The following ERBB4 variants were observed in gnomAD, a reference collection of about 807,000 sequenced individuals.
ERBB4 encodes the protein erb-b2 receptor tyrosine kinase 4.
ERBB4 carries 42 observed loss-of-function variants against 158.0 expected under a neutral mutation model. The observed-to-expected ratio is 0.27, with a 90% CI of 0.21 to 0.34. The LOEUF is 0.34. Among genes scored for constraint, ERBB4 ranks in the 10% least tolerant of loss-of-function variants. The pLI is 1.00. For missense variants in ERBB4, 1,333 were observed against 1,624.1 expected (o/e 0.82, Z 3.08); for synonymous variants, 583 against 558.7 (o/e 1.04, Z -0.61).
intron 2 of ERBB4, among the ~76,000 whole-genome samples, chr2:212,085,449 A>AT (rs1224251623): frequency 6.6e-6 from 1 of 151,888 alleles, no homozygotes; most frequent in East Asian, 1.9e-4. Flanking sequence ...ATAGATGGCA[A>AT]TTAGGCACAT....
chr2:211,875,039 A>AAAAAAAAAAAAAAAAC (rs2078458514), intron 3 of ERBB4, among the ~76,000 whole-genome samples: 1 of 145,950 alleles, frequency 6.9e-6, no homozygotes, highest in Admixed American at 6.9e-5. Context: ...AAAAAAAAAA[A>AAAAAAAAAAAAAAAAC]AAAAAAAAAA....
chr2:212,134,329 T>C (rs879915910), intron 1 of ERBB4, among the ~76,000 whole-genome samples: 4 of 152,118 alleles, frequency 2.6e-5, no homozygotes, highest in Non-Finnish European at 4.4e-5. Context: ...CTCTTATTCA[T>C]TTGTACTGGT....
chr2:212,305,789 A>T (rs887335494), intron 1 of ERBB4, among the ~76,000 whole-genome samples: 2 of 151,444 alleles, frequency 1.3e-5, no homozygotes, highest in African/African-American at 2.4e-5. Context: ...ATTATAGATC[A>T]TGTTCCTAAT....
chr2:211,577,817 T>C (rs1218184828), intron 19 of ERBB4, among the ~76,000 whole-genome samples: 2 of 152,060 alleles, frequency 1.3e-5, no homozygotes, highest in Admixed American at 6.6e-5. Flanking sequence ...TATCTCAAAA[T>C]AATAAGAGAC....
At chr2:211,480,518 G>C (rs189573736) in intron 20 of ERBB4, among the ~76,000 whole-genome samples, 1 of 152,184 alleles carries the variant, frequency 6.6e-6, no homozygotes, top group Admixed American at 6.5e-5. Flanking sequence ...CTTCTTTCGT[G>C]ATTGTAAGTT....
Position 211,376,127 on chromosome 2 carries a change from A to G in ERBB4, c.*7488T>C, listed in dbSNP as rs551611005. On this transcript the variant is annotated 3_prime_UTR_variant, in exon 28 of 28. Coordinates refer to ENST00000342788, the MANE Select transcript of ERBB4 (RefSeq NM_005235.3). ...TCCTTCATCAATAACATGGAAAAAA[A>G]TCAAAATAACATTACACCACACACA... is the stretch of plus-strand genomic sequence containing the variant. 3 of 233,030 alleles carry G rather than the reference A, an allele frequency of 1.3e-5. No homozygotes were observed. The highest frequency in any genetic ancestry group is 2.5e-5 in the Non-Finnish European group (3 of 117,766). The allele number at this position is 233,030 out of a possible 1,614,324, so 14.4% of individuals were successfully genotyped here.
At chr2:212,446,328 A>G in intron 1 of ERBB4, among the ~76,000 whole-genome samples, 1 of 151,602 alleles carries the variant, frequency 6.6e-6, no homozygotes. Context: ...AGGCAGATCT[A>G]CCCTTAATCT....
intron 12 of ERBB4, among the ~76,000 whole-genome samples, chr2:211,697,712 A>G (rs2073077048): frequency 6.6e-6 from 1 of 152,198 alleles, no homozygotes; most frequent in Non-Finnish European, 1.5e-5. Flanking sequence ...GAAATTTAAA[A>G]CCATAGATGA....
At chr2:211,791,887 C>A (rs187959820) in intron 3 of ERBB4, among the ~76,000 whole-genome samples, 2 of 151,720 alleles carry the variant, frequency 1.3e-5, no homozygotes, top group South Asian at 4.1e-4. Context: ...AAAGATGTCA[C>A]GAATCTTTTT....
rs1025897570 is a variant in ERBB4 at position 211,510,190 on chromosome 2, G to T, written c.2487+51713C>A. 3.3e-5 allele frequency among the ~76,000 whole-genome samples: 5 copies of T among 152,018 alleles called. No individual in the cohort carries two copies. The South Asian group carries it at 6.2e-4, about 19-fold the overall frequency. ...AAAGTCATGGAATTAAACCTAAGTT[G>T]ACCATCAATGGGTGGTTGGATAAAG... On this transcript the variant is annotated intron_variant, in intron 20 of 27. Transcript: ENST00000342788.
chr2:211,423,135 G>T (rs914205316), intron 23 of ERBB4, among the ~76,000 whole-genome samples: 2 of 151,916 alleles, frequency 1.3e-5, no homozygotes, highest in African/African-American at 4.8e-5. Flanking sequence ...GAGAAAACAG[G>T]TGTTTCTGAA....
chr2:212,159,615 A>T (rs1439131844), intron 1 of ERBB4, among the ~76,000 whole-genome samples: 1 of 151,970 alleles, frequency 6.6e-6, no homozygotes, highest in East Asian at 1.9e-4. Context: ...GGCTAGTTGC[A>T]ATTACATAAA....
At chr2:211,673,948 A>G (rs1048713490) in intron 13 of ERBB4, among the ~76,000 whole-genome samples, 1 of 152,112 alleles carries the variant, frequency 6.6e-6, no homozygotes. Context: ...ACATCCTAAA[A>G]CTTTCTAATT....
intron 2 of ERBB4, among the ~76,000 whole-genome samples, chr2:212,003,607 G>A (rs924433444): frequency 2.0e-5 from 3 of 151,978 alleles, no homozygotes; most frequent in Non-Finnish European, 4.4e-5. Context: ...CCTCCCCACC[G>A]TATTGCACAT....
chr2:211,900,823 A>G (rs2125030884), intron 3 of ERBB4, among the ~76,000 whole-genome samples: 1 of 152,222 alleles, frequency 6.6e-6, no homozygotes, highest in African/African-American at 2.4e-5. Flanking sequence ...GTAAACACTC[A>G]ATTACTGAAT....
At chr2:212,289,447 T>C (rs1417082060) in intron 1 of ERBB4, among the ~76,000 whole-genome samples, 1 of 152,224 alleles carries the variant, frequency 6.6e-6, no homozygotes, top group Admixed American at 6.5e-5. Flanking sequence ...GATTTTATAA[T>C]TGCCTAAATC....
rs201615846 is a variant in ERBB4 at position 211,706,601 on chromosome 2, CA to C, written c.1125-1211del. ...GAAACCATTCCACATCTTAAAAAAA[CA>C]AAAAAAAAAAAAACAAAAAAAACTT... On this transcript the variant is annotated intron_variant, in intron 9 of 27. Transcript: ENST00000342788. Among the ~76,000 whole-genome samples the C allele has an allele frequency of 2.8e-3, 264 of 94,376 alleles. 1 individual carries two copies. The highest frequency in any genetic ancestry group is 6.0e-3 in the African/African-American group (158 of 26,348). The allele number at this position is 94,376 out of a possible 152,430, so 61.9% of individuals were successfully genotyped here.
At chr2:211,741,144 G>A (rs1297944953) in intron 5 of ERBB4, among the ~76,000 whole-genome samples, 1 of 151,976 alleles carries the variant, frequency 6.6e-6, no homozygotes, top group Non-Finnish European at 1.5e-5. Context: ...TCACATGTAG[G>A]TAATTTTGAA....
intron 20 of ERBB4, among the ~76,000 whole-genome samples, chr2:211,521,611 A>G (rs1020508487): frequency 2.0e-5 from 3 of 152,220 alleles, no homozygotes; most frequent in Non-Finnish European, 4.4e-5. Flanking sequence ...AATGGAGATT[A>G]AACAGCCTTA....
Sources: gnomAD v4.1 joint callset for allele counts (sites outside exome capture counted in the v4.1 genomes callset) on GRCh38, gnomAD v4.1.1 for gene constraint, MANE v1.5 for transcripts, NCBI Gene and HGNC (gene_info 2026-07-23, HGNC 2026-07-21) for gene names.